Variants in FKBP5 observed in about 807,000 individuals in gnomAD.
The protein encoded by FKBP5 is peptidyl-prolyl cis-trans isomerase FKBP5.
In FKBP5, 23 loss-of-function variants were observed where a neutral mutation model predicts 50.5. That is an observed-to-expected ratio of 0.46 (90% CI 0.33 to 0.65). The LOEUF is 0.65. FKBP5 is among the 30% of genes least tolerant of loss of function. The pLI, the probability that FKBP5 is intolerant of heterozygous loss-of-function variation, is 0.02. For synonymous variants in FKBP5, 176 were observed against 190.6 expected, an observed-to-expected ratio of 0.92 and a Z score of 0.63; for missense variants, 411 against 553.1, an observed-to-expected ratio of 0.74 and a Z score of 2.58.
chr6:35,690,041 C>T (rs1317489496), upstream of FKBP5, among the ~76,000 whole-genome samples: 1 of 152,188 alleles, frequency 6.6e-6, no homozygotes, highest in Non-Finnish European at 1.5e-5. Context: ...TAATAGTTAC[C>T]TATGGAAACC....
chr6:35,583,254 ATTAAC>A (rs1762496940), intron 8 of FKBP5: 1 of 985,274 alleles, frequency 1.0e-6, no homozygotes, highest in Non-Finnish European at 1.2e-6. Flanking sequence ...TAATGCATTG[ATTAAC>A]TTAACTTTTC....
rs73729768 is a variant in FKBP5 at position 35,718,265 on chromosome 6, C to T, written c.-20+2063G>A. ...GAGGCGGGAAAATGCAGGGTGTGCTCGCGAGAGCCAGAGGTCCTCTGCAAG... is the reference window on the plus strand; with the variant it reads ...GAGGCGGGAAAATGCAGGGTGTGCTTGCGAGAGCCAGAGGTCCTCTGCAAG... On this transcript the variant is annotated intron_variant, in intron 2 of 11. Transcript: ENST00000536438. Among the ~76,000 whole-genome samples the T allele has an allele frequency of 6.6e-3, 1,008 of 152,272 alleles. 9 individuals are homozygous for T. Among genetic ancestry groups the T allele is most frequent in the African/African-American group, 0.023 (960 of 41,550 alleles).
intron 6 of FKBP5, among the ~76,000 whole-genome samples, chr6:35,594,917 AGATT>A (rs1762934777): frequency 6.6e-6 from 1 of 152,252 alleles, no homozygotes; most frequent in Non-Finnish European, 1.5e-5. Flanking sequence ...AAGATCTGAA[AGATT>A]GATCTCATGT....
chr6:35,683,746 A>C (rs1490739519), intron 1 of FKBP5, among the ~76,000 whole-genome samples: 2 of 149,636 alleles, frequency 1.3e-5, no homozygotes, highest in Non-Finnish European at 3.0e-5. Flanking sequence ...CTTATAAAAC[A>C]TTATCAGAAT....
intron 1 of FKBP5, among the ~76,000 whole-genome samples, chr6:35,724,973 C>T (rs1477891769): frequency 6.6e-6 from 1 of 152,176 alleles, no homozygotes; most frequent in East Asian, 1.9e-4. Flanking sequence ...TCCTGTGCCA[C>T]AGTCTTTGGG....
intron 3 of FKBP5, among the ~76,000 whole-genome samples, chr6:35,629,504 T>C (rs924189586): frequency 6.6e-6 from 1 of 151,180 alleles, no homozygotes; most frequent in Non-Finnish European, 1.5e-5. Context: ...TCATGGCTTA[T>C]AATTAAAACA....
At chr6:35,690,685 T>C (rs909878568), upstream of FKBP5, among the ~76,000 whole-genome samples, 1 of 152,076 alleles carries the variant, frequency 6.6e-6, no homozygotes, top group Non-Finnish European at 1.5e-5. Flanking sequence ...CTAATACCAA[T>C]TGATTAAGCA....
intron 1 of FKBP5, among the ~76,000 whole-genome samples, chr6:35,682,254 A>G (rs1011843534): frequency 6.6e-6 from 1 of 152,102 alleles, no homozygotes; most frequent in Non-Finnish European, 1.5e-5. Flanking sequence ...GGAAAAACTT[A>G]ATTAATTAAT....
chr6:35,597,995 TAAATG>T (rs1763029252), intron 5 of FKBP5, among the ~76,000 whole-genome samples: 1 of 152,172 alleles, frequency 6.6e-6, no homozygotes, highest in African/African-American at 2.4e-5. Flanking sequence ...CTGGAAATAA[TAAATG>T]TAAAGTGTGA....
intron 1 of FKBP5, among the ~76,000 whole-genome samples, chr6:35,662,880 T>C (rs1215755027): frequency 6.6e-6 from 1 of 152,120 alleles, no homozygotes; most frequent in Non-Finnish European, 1.5e-5. Context: ...CAAAGAAAAC[T>C]GAAATAAGTT....
In FKBP5 at chr6:35,620,226, C is replaced by G; in HGVS notation, c.299G>C (p.Gly100Ala). The G allele has an allele frequency of 1.2e-6, 2 of 1,614,144 alleles. No homozygotes were observed. The highest frequency in any genetic ancestry group is 2.7e-5 in the African/African-American group (2 of 75,046). The part of the protein sequence containing the change: ...WDIGVATMKK[G>A]EICHLLCKPE... ...TTTGCACAGTAAATGGCATATCTCTCCTTTCTTCATGGTAGCCACCCCAAT... is the reference window on the plus strand; with the variant it reads ...TTTGCACAGTAAATGGCATATCTCTGCTTTCTTCATGGTAGCCACCCCAAT... Residue 100 changes from glycine to alanine, a missense_variant, in exon 4 of 11, where the codon GGA (glycine) becomes GCA (alanine). Physicochemically the swap from Gly to Ala is moderately conservative, Grantham distance 60 (BLOSUM62 0). Transcript: ENST00000357266.
intron 2 of FKBP5, among the ~76,000 whole-genome samples, chr6:35,702,235 G>C (rs575863720): frequency 6.6e-6 from 1 of 151,926 alleles, no homozygotes; most frequent in African/African-American, 2.4e-5. Context: ...TCACTATCTC[G>C]TTAGGTTTTT....
rs2150956528 is a variant in FKBP5 at position 35,586,737 on chromosome 6, G to A, written c.840+297C>T. ...TTGTTGAGTGCCAACTATGTACCAA[G>A]CAAGATGCTTTAGGAGTGAGTGATA... is the stretch of plus-strand genomic sequence containing the variant. On this transcript the variant is annotated intron_variant, in intron 8 of 10. Coordinates refer to ENST00000357266, the MANE Select transcript of FKBP5 (RefSeq NM_004117.4). The A allele has an allele frequency of 3.2e-6, 4 of 1,253,530 alleles. No homozygotes were observed. The Middle Eastern group carries it at 9.5e-4, about 298-fold the overall frequency. The allele number at this position is 1,253,530 out of a possible 1,614,324, so 77.7% of individuals were successfully genotyped here.
At chr6:35,589,556 G>A (rs1050572807) in intron 7 of FKBP5, among the ~76,000 whole-genome samples, 3 of 152,216 alleles carry the variant, frequency 2.0e-5, no homozygotes, top group Non-Finnish European at 2.9e-5. Context: ...TGATGACAGA[G>A]CACAGGCTTG....
At chr6:35,577,903 A>C (rs929951421) in intron 9 of FKBP5, among the ~76,000 whole-genome samples, 39 of 151,874 alleles carry the variant, frequency 2.6e-4, no homozygotes, top group African/African-American at 9.2e-4. Flanking sequence ...AAAATACAAA[A>C]ATTAGCTGGG....
At chr6:35,722,261 C>T (rs1282034040) in intron 1 of FKBP5, among the ~76,000 whole-genome samples, 1 of 152,140 alleles carries the variant, frequency 6.6e-6, no homozygotes, top group South Asian at 2.1e-4. Context: ...TTTAATGACC[C>T]ATTCACGGTG....
intron 1 of FKBP5, among the ~76,000 whole-genome samples, chr6:35,680,504 T>A (rs1765636649): frequency 6.6e-6 from 1 of 152,192 alleles, no homozygotes; most frequent in African/African-American, 2.4e-5. Flanking sequence ...ATACTAAAAA[T>A]TACATAAAAT....
chr6:35,605,027 C>T (rs567654352), intron 5 of FKBP5, among the ~76,000 whole-genome samples: 3 of 152,302 alleles, frequency 2.0e-5, no homozygotes, highest in East Asian at 1.9e-4. Flanking sequence ...TCGTGATCCA[C>T]GTGCCTCGGC....
intron 6 of FKBP5, among the ~76,000 whole-genome samples, chr6:35,594,911 T>C (rs1762934468): frequency 6.6e-6 from 1 of 152,238 alleles, no homozygotes; most frequent in African/African-American, 2.4e-5. Flanking sequence ...CCTGAAAAGA[T>C]CTGAAAGATT....
Sources: gnomAD v4.1 joint callset for allele counts (sites outside exome capture counted in the v4.1 genomes callset) on GRCh38, gnomAD v4.1.1 for gene constraint, MANE v1.5 for transcripts, NCBI Gene and HGNC (gene_info 2026-07-23, HGNC 2026-07-21) for gene names.